EDRF1: variants seen among roughly 807,000 people sequenced by gnomAD.
EDRF1 encodes erythroid differentiation regulatory factor 1, also known as erythroid differentiation-related factor 1.
A neutral mutation model predicts 148.7 loss-of-function variants in EDRF1; 69 were observed. The ratio of observed to expected loss-of-function variants is 0.46; its 90% CI spans 0.38 to 0.57. The LOEUF (loss-of-function observed/expected upper bound fraction) is 0.57, where lower values mean the gene tolerates loss of function less well. Ranked by LOEUF, EDRF1 falls within the 20% of genes least tolerant of loss-of-function variation. The pLI, the probability that EDRF1 is intolerant of heterozygous loss-of-function variation, is 0.00. For missense variants in EDRF1, 1,118 were observed against 1,478.7 expected, an observed-to-expected ratio of 0.76 and a Z score of 4.00; for synonymous variants, 515 against 532.8, an observed-to-expected ratio of 0.97 and a Z score of 0.46.
At position 125,719,757 on chromosome 10, in the gene EDRF1, T is replaced by G; in HGVS notation, c.-51T>G. On this transcript the variant is annotated 5_prime_UTR_variant, in exon 1 of 25. Transcript: ENST00000356792. ...TTACCCTGCTTTGGGCCTGCGTTGC[T>G]GCTGCTGCTCCTCCGCTCCCCCGTC... 6.7e-7 allele frequency: 1 copy of G among 1,490,432 alleles called. No individual in the cohort carries two copies. The highest frequency in any genetic ancestry group is 9.2e-7 in the Non-Finnish European group (1 of 1,088,442). 92.3% of individuals were successfully genotyped at this position (1,490,432 alleles called of 1,614,324 possible). A position where few individuals can be genotyped will look rare whatever the true frequency, so the allele number is the denominator to read the frequency against.
At chr10:125,724,258 C>T (rs1168115510) in intron 4 of EDRF1, among the ~76,000 whole-genome samples, 1 of 152,128 alleles carries the variant, frequency 6.6e-6, no homozygotes, top group Non-Finnish European at 1.5e-5. Flanking sequence ...TAACGTCTCC[C>T]TTAAACAGAT....
chr10:125,740,681 A>G (rs1397028584), intron 16 of EDRF1, 30 bp downstream of exon 16: 3 of 1,601,572 alleles, frequency 1.9e-6, no homozygotes, highest in Non-Finnish European at 2.6e-6. Flanking sequence ...TATGTTTAAT[A>G]GGCACTGGGA....
rs370605512 is a variant in EDRF1, at chr10:125,734,369, A to T, written c.1497+186A>T. ...CTGAATTGACATGTGCTGTAAGTGT[A>T]AAATACACACTGAATTTTGAAGATT... On this transcript the variant is annotated intron_variant, in intron 12 of 24. Coordinates refer to ENST00000356792, the MANE Select transcript of EDRF1 (RefSeq NM_001202438.2). Among the ~76,000 whole-genome samples the T allele has an allele frequency of 3.9e-5, 6 of 152,286 alleles. No individual in the cohort carries two copies. In the East Asian group the frequency reaches 1.2e-3, roughly 29 times the overall value.
chr10:125,735,640 T>A lies in EDRF1; in HGVS notation c.1498-4T>A. On this transcript the variant is annotated splice_polypyrimidine_tract_variant and splice_region_variant and intron_variant, in intron 12 of 24. Coordinates refer to ENST00000356792, the MANE Select transcript of EDRF1 (RefSeq NM_001202438.2). Reference sequence around the variant, plus strand: ...TTTACACATATTTCTCTCTTTTTCATAAGATTATTGCTTCCGCCAATTACA... The same window carrying A: ...TTTACACATATTTCTCTCTTTTTCAAAAGATTATTGCTTCCGCCAATTACA... 1.9e-6 allele frequency: 3 copies of A among 1,612,092 alleles called. No homozygotes were observed. The highest frequency in any genetic ancestry group is 2.5e-6 in the Non-Finnish European group (3 of 1,178,712).
At chr10:125,745,143 G>C (rs1209437128) in intron 18 of EDRF1, 1 of 165,864 alleles carries the variant, frequency 6.0e-6, no homozygotes, top group East Asian at 1.6e-4. Context: ...GGCAGAGCAG[G>C]ATGGTGAGAG....
intron 6 of EDRF1, 88 bp from the exon 7 acceptor site, chr10:125,728,915 T>C: frequency 1.0e-6 from 1 of 997,900 alleles, no homozygotes; most frequent in Non-Finnish European, 1.4e-6. Context: ...AGTGTGTGCT[T>C]TGAATATTTA....
rs117524794 is a variant in EDRF1, at chr10:125,723,134, A to G, written c.384A>G (p.Glu128=). 6 of 1,613,382 alleles carry G rather than the reference A, an allele frequency of 3.7e-6. No homozygotes were observed. Among genetic ancestry groups the G allele is most frequent in the Non-Finnish European group, 5.1e-6 (6 of 1,179,442 alleles). Residue 128 remains glutamate (E), a splice_region_variant and synonymous_variant, in exon 3 of 25, where the codon GAA becomes GAG. Coordinates refer to ENST00000356792, the MANE Select transcript of EDRF1 (RefSeq NM_001202438.2). ...ATGTGGATGTTGTCTCTGACTCTGAAGTAAGTGTTATTTGTCGCTTAATGT... is the reference window on the plus strand; with the variant it reads ...ATGTGGATGTTGTCTCTGACTCTGAGGTAAGTGTTATTTGTCGCTTAATGT... ...GNDVDVVSDS[E]NIKKLLKIPY... is the part of the protein sequence containing the mutation.
In EDRF1 at chr10:125,725,259, A is replaced by G. The variant is rs999715618; in HGVS notation, c.511-59A>G. ...GGAGCCTTTTCTGTAAGCTAGTACT[A>G]GGTAACATTGTTTCGACTATGTGTG... On this transcript the variant is annotated intron_variant, in intron 4 of 24. Transcript: ENST00000356792. 7 of 1,601,102 alleles carry G rather than the reference A, an allele frequency of 4.4e-6. No homozygotes were observed. The African/African-American group carries it at 9.4e-5, about 21-fold the overall frequency.
At position 125,723,130 on chromosome 10, in the gene EDRF1, C is replaced by G; in HGVS notation, c.380C>G (p.Ser127Cys). Residue 127 changes from serine to cysteine, a missense_variant, in exon 3 of 25, where the codon TCT (serine) becomes TGT (cysteine). Coordinates refer to ENST00000356792, the MANE Select transcript of EDRF1 (RefSeq NM_001202438.2). ...AATGATGTGGATGTTGTCTCTGACT[C>G]TGAAGTAAGTGTTATTTGTCGCTTA... ...VGNDVDVVSD[S>C]ENIKKLLKIP... 6.2e-7 allele frequency: 1 copy of G among 1,613,474 alleles called. No individual in the cohort carries two copies. The highest frequency in any genetic ancestry group is 8.5e-7 in the Non-Finnish European group (1 of 1,179,552).
intron 24 of EDRF1, among the ~76,000 whole-genome samples, chr10:125,757,577 A>G (rs1418406424): frequency 6.6e-6 from 1 of 152,220 alleles, no homozygotes; most frequent in African/African-American, 2.4e-5. Flanking sequence ...CTAGCATCAT[A>G]TTCCTTCTGC....
intron 22 of EDRF1, 144 bp from the exon 23 acceptor site, chr10:125,752,655 T>A: frequency 1.6e-6 from 1 of 623,912 alleles, no homozygotes; most frequent in Non-Finnish European, 2.8e-6. Context: ...TATTATTAAA[T>A]AGAAGTTGGA....
chr10:125,763,892 A>G lies in EDRF1; in HGVS notation c.*420A>G, dbSNP rs140508124. ...CAAGTGGGTTAAGGAGACCTCCTGT[A>G]CATCTACAGTGTTTCCTTTTAAATT... On this transcript the variant is annotated 3_prime_UTR_variant, in exon 25 of 25. Transcript: ENST00000356792. This position sits in a 1 kb window ranked among gnomAD's most constrained non-coding sequence, Gnocchi z 4.3. 1.5e-3 allele frequency: 314 copies of G among 216,370 alleles called. 2 individuals carry two copies. Among genetic ancestry groups the G allele is most frequent in the African/African-American group, 6.8e-3 (295 of 43,110 alleles). The allele number at this position is 216,370 out of a possible 1,614,324, so 13.4% of individuals were successfully genotyped here. A position where few individuals can be genotyped will look rare whatever the true frequency, so the allele number is the denominator to read the frequency against.
chr10:125,734,267 T>A (rs1848624472), intron 12 of EDRF1, 84 bp downstream of exon 12: 1 of 1,037,308 alleles, frequency 9.6e-7, no homozygotes, highest in African/African-American at 1.6e-5. Context: ...GCCTCCTGAT[T>A]CATATTCCGT....
In EDRF1 at chr10:125,733,389, G is replaced by C; in HGVS notation, c.1129-15G>C. 1 of 1,553,382 alleles carries C rather than the reference G, an allele frequency of 6.4e-7. No homozygotes were observed. Among genetic ancestry groups the C allele is most frequent in the Non-Finnish European group, 8.7e-7 (1 of 1,143,458 alleles). On this transcript the variant is annotated splice_polypyrimidine_tract_variant and intron_variant, in intron 9 of 24. Transcript: ENST00000356792. ...TTTTCTCTTAAACTGCTTTCCATCT[G>C]TCTGTATTTTACAGAAATATGAAAT...
chr10:125,749,771 A>G (rs1849548261), intron 22 of EDRF1: 6 of 605,858 alleles, frequency 9.9e-6, no homozygotes, highest in Non-Finnish European at 1.4e-5. Flanking sequence ...GATTATGTTC[A>G]GTGACTAGAA....
chr10:125,748,045 A>G (rs1849456216), intron 21 of EDRF1, 33 bp downstream of exon 21: 1 of 1,612,892 alleles, frequency 6.2e-7, no homozygotes, highest in African/African-American at 1.3e-5. Flanking sequence ...ACAGTGCCAC[A>G]TCAGTTTAAA....
In EDRF1 at chr10:125,719,863, G is replaced by A. The variant is rs61742141; in HGVS notation, c.56G>A (p.Arg19Gln). ...GGTCCGCCGGCCGGGGCCGCCGCTC[G>A]AGGAGGGCTCAGCCTCCTGTCCCAG... ...AEGPPAGAAA[R>Q]GGLSLLSQGE... Residue 19 changes from arginine (R) to glutamine (Q), a missense_variant, in exon 1 of 25, where the codon CGA (arginine) becomes CAA (glutamine). Around this residue, in one of 3 missense-constraint regions of EDRF1, gnomAD observed 65 missense variants for 50.3 expected, o/e 1.29. Coordinates refer to ENST00000356792, the MANE Select transcript of EDRF1 (RefSeq NM_001202438.2). The A allele has an allele frequency of 5.7e-4, 912 of 1,613,028 alleles. 5 individuals are homozygous for A. In the African/African-American group the frequency reaches 0.01, roughly 18 times the overall value.
At chr10:125,741,339 C>G in intron 17 of EDRF1, 138 bp downstream of exon 17, 1 of 939,174 alleles carries the variant, frequency 1.1e-6, no homozygotes, top group East Asian at 2.7e-5. Context: ...TTTTTTGAGA[C>G]GGAGTTTCGC....
At chr10:125,755,971 A>G (rs1477893202) in intron 24 of EDRF1, among the ~76,000 whole-genome samples, 2 of 150,836 alleles carry the variant, frequency 1.3e-5, no homozygotes, top group East Asian at 3.9e-4. Flanking sequence ...TCTGCCGTTC[A>G]TTTCCTTCCT....
Sources: allele counts gnomAD v4.1 joint callset (sites outside exome capture counted in the v4.1 genomes callset), GRCh38; gene constraint gnomAD v4.1.1; regional missense constraint gnomAD v4.1.1; non-coding constraint Gnocchi (gnomAD v3.1); transcripts MANE v1.5; gene names NCBI Gene and HGNC (gene_info 2026-07-23, HGNC 2026-07-21).